Variants in EPS8 observed in about 807,000 individuals in gnomAD.
EPS8 encodes the protein EGFR pathway substrate 8, signaling adaptor.
Under a neutral mutation model 103.8 loss-of-function variants are expected in EPS8, and 42 were observed. The observed-to-expected ratio is 0.40, with a 90% confidence interval of 0.32 to 0.52. The LOEUF (loss-of-function observed/expected upper bound fraction) is 0.52. EPS8 is among the 20% of genes least tolerant of loss of function. The probability of loss-of-function intolerance (pLI) is 0.40; values close to 1 mark genes in which losing one functional copy is unlikely to be tolerated. For missense variants in EPS8, 969 were observed against 1,005.1 expected, an observed-to-expected ratio of 0.96 and a Z score of 0.49; for synonymous variants, 344 against 344.6, an observed-to-expected ratio of 1.00 and a Z score of 0.02.
rs1946893603 is a variant in EPS8, at chr12:15,748,031, C to T, written c.-22+41130G>A. ...CAAGACTCCATCTCAAAATCAAAAACAAAAACAAAACAAAAAAAAGTAATG... is the reference window on the plus strand; with the variant it reads ...CAAGACTCCATCTCAAAATCAAAAATAAAAACAAAACAAAAAAAAGTAATG... On this transcript the variant is annotated intron_variant, in intron 1 of 20. Transcript: ENST00000281172. This position sits in a 1 kb window ranked among gnomAD's most constrained non-coding sequence, Gnocchi z 4.8. 1.3e-5 allele frequency among the ~76,000 whole-genome samples: 2 copies of T among 151,278 alleles called. No homozygotes were observed. Among genetic ancestry groups the T allele is most frequent in the South Asian group, 4.1e-4 (2 of 4,822 alleles).
intron 1 of EPS8, among the ~76,000 whole-genome samples, chr12:15,774,964 T>C (rs1947193560): frequency 1.3e-5 from 2 of 152,070 alleles, no homozygotes. Context: ...GGAAGTTTTT[T>C]GAAACAGATA....
intron 1 of EPS8, among the ~76,000 whole-genome samples, chr12:15,773,544 T>C (rs1289919954): frequency 1.3e-5 from 2 of 151,454 alleles, no homozygotes; most frequent in African/African-American, 2.4e-5. Context: ...TGGAGAGAGA[T>C]TTAAGAAAAA....
In EPS8 at chr12:15,745,153, G is replaced by A. The variant is rs2136011539; in HGVS notation, c.-22+44008C>T. 6.6e-6 allele frequency among the ~76,000 whole-genome samples: 1 copy of A among 152,268 alleles called. No individual in the cohort carries two copies. Among genetic ancestry groups the A allele is most frequent in the Admixed American group, 6.5e-5 (1 of 15,298 alleles). ...TGGTATTATAGGCGTGAGCCACCAT[G>A]CCTGGCCAATTGTCCATTATTTTTA... On this transcript the variant is annotated intron_variant, in intron 1 of 20. Coordinates refer to ENST00000281172, the MANE Select transcript of EPS8 (RefSeq NM_004447.6). The surrounding 1 kb of genome is among the most constrained non-coding windows in gnomAD (Gnocchi z 4.6).
At position 15,714,672 on chromosome 12, in the gene EPS8, G is replaced by A. The variant is rs1248445038; in HGVS notation, c.-21-31700C>T. Among the ~76,000 whole-genome samples, 1 of 152,166 alleles carries A rather than the reference G, an allele frequency of 6.6e-6. No individual in the cohort carries two copies. The highest frequency in any genetic ancestry group is 1.5e-5 in the Non-Finnish European group (1 of 68,036). ...CCCATTTCTCACTTAGAATAAAAAAGTGCTGCTTGTTGCCAGTGCAGTATT... is the reference window on the plus strand; with the variant it reads ...CCCATTTCTCACTTAGAATAAAAAAATGCTGCTTGTTGCCAGTGCAGTATT... On this transcript the variant is annotated intron_variant, in intron 1 of 20. Coordinates refer to ENST00000281172, the MANE Select transcript of EPS8 (RefSeq NM_004447.6). The surrounding 1 kb of genome is among the most constrained non-coding windows in gnomAD (Gnocchi z 4.1).
In EPS8 at chr12:15,748,478, C is replaced by A. The variant is rs923121932; in HGVS notation, c.-22+40683G>T. Among the ~76,000 whole-genome samples, 1 of 151,968 alleles carries A rather than the reference C, an allele frequency of 6.6e-6. No homozygotes were observed. The highest frequency in any genetic ancestry group is 1.5e-5 in the Non-Finnish European group (1 of 67,996). Reference sequence around the variant, plus strand: ...TTGTTTTTTTTTAAAGTAGGACACACAAAACTCTACAGAAACAATTTCAGT... The same window carrying A: ...TTGTTTTTTTTTAAAGTAGGACACAAAAAACTCTACAGAAACAATTTCAGT... On this transcript the variant is annotated intron_variant, in intron 1 of 20. Transcript: ENST00000281172. The surrounding 1 kb of genome is among the most constrained non-coding windows in gnomAD (Gnocchi z 4.8).
chr12:15,631,692 A>C (rs769564563), intron 17 of EPS8, 28 bp from the exon 18 acceptor site: 30 of 1,531,806 alleles, frequency 2.0e-5, no homozygotes, highest in Non-Finnish European at 2.5e-5. Context: ...ATTAACTTAA[A>C]ATTTAAAAAA....
Position 15,782,579 on chromosome 12 carries a change from AAGTT to A in EPS8, c.-22+6578_-22+6581del, listed in dbSNP as rs571913283. The stretch of plus-strand genomic sequence containing the variant: ...CAGGATAACAAAAACATTAAGAAAA[AAGTT>A]AGGTATGTCATGAATGCATAATATG... On this transcript the variant is annotated intron_variant, in intron 1 of 20. Transcript: ENST00000281172. 2.6e-4 allele frequency among the ~76,000 whole-genome samples: 39 copies of A among 152,226 alleles called. No homozygotes were observed. The South Asian group carries it at 7.7e-3, about 30-fold the overall frequency.
chr12:15,753,016 C>G (rs1444401905), intron 1 of EPS8, among the ~76,000 whole-genome samples: 1 of 151,572 alleles, frequency 6.6e-6, no homozygotes, highest in Admixed American at 6.6e-5. Flanking sequence ...AGAAATGTGA[C>G]TCAGGCAGCA....
chr12:15,682,827 T>G (rs1946031474), intron 2 of EPS8, 66 bp downstream of exon 2: 2 of 868,056 alleles, frequency 2.3e-6, no homozygotes, highest in Non-Finnish European at 3.7e-6. Context: ...ACTAAAAATA[T>G]AAAACAATTA....
At chr12:15,676,654 T>C (rs932725409) in intron 3 of EPS8, among the ~76,000 whole-genome samples, 1 of 152,230 alleles carries the variant, frequency 6.6e-6, no homozygotes, top group African/African-American at 2.4e-5. Context: ...CTTAAAGGCT[T>C]TGACAAACAG....
chr12:15,711,389 A>G (rs1480838297), intron 1 of EPS8, among the ~76,000 whole-genome samples: 1 of 152,142 alleles, frequency 6.6e-6, no homozygotes, highest in Non-Finnish European at 1.5e-5. Context: ...CTCCATAGTC[A>G]TTTCCTCTTA....
chr12:15,713,198 C>T lies in EPS8; in HGVS notation c.-21-30226G>A, dbSNP rs1946490285. The T allele has an allele frequency of 6.4e-6, 1 of 156,032 alleles. No homozygotes were observed. The highest frequency in any genetic ancestry group is 2.0e-4 in the South Asian group (1 of 4,916). The allele number at this position is 156,032 out of a possible 1,614,324, so 9.7% of individuals were successfully genotyped here. A position where few individuals can be genotyped will look rare whatever the true frequency, so the allele number is the denominator to read the frequency against. On this transcript the variant is annotated intron_variant, in intron 1 of 20. Transcript: ENST00000281172. The surrounding 1 kb of genome is among the most constrained non-coding windows in gnomAD (Gnocchi z 4.8). ...GTGGTCTAAATTAACGCTATATACA[C>T]AGACACCATTATTACTCCCATTTTA...
intron 1 of EPS8, among the ~76,000 whole-genome samples, chr12:15,724,268 T>C (rs1946628928): frequency 6.6e-6 from 1 of 152,124 alleles, no homozygotes; most frequent in Non-Finnish European, 1.5e-5. Context: ...AAAGAAAAAG[T>C]AGCTTTTCTT....
rs1002496284 is a variant in EPS8, at chr12:15,735,721, A to G, written c.-21-52749T>C. On this transcript the variant is annotated intron_variant, in intron 1 of 20. Transcript: ENST00000281172. This position sits in a 1 kb window ranked among gnomAD's most constrained non-coding sequence, Gnocchi z 4.4. Reference sequence around the variant, plus strand: ...GGTTATTTAAATTGTAGACCTTTTAAAAGTGCATGTTATTAAATGTAACCT... The same window carrying G: ...GGTTATTTAAATTGTAGACCTTTTAGAAGTGCATGTTATTAAATGTAACCT... Among the ~76,000 whole-genome samples the G allele has an allele frequency of 2.0e-5, 3 of 152,226 alleles. No homozygotes were observed. Among genetic ancestry groups the G allele is most frequent in the Admixed American group, 2.0e-4 (3 of 15,284 alleles).
At chr12:15,763,068 A>G (rs1055295574) in intron 1 of EPS8, among the ~76,000 whole-genome samples, 3 of 152,200 alleles carry the variant, frequency 2.0e-5, no homozygotes, top group Non-Finnish European at 4.4e-5. Context: ...CACCTTTTAT[A>G]TACCCACAAA....
rs1945215618 is a variant in EPS8, at chr12:15,640,808, A to G, written c.1716T>C (p.Asn572=). The change falls in exon 17 of 21, where the codon AAT becomes AAC. Residue 572 remains asparagine (N), a synonymous_variant. Transcript: ENST00000281172. ...DDRKQWWKVR[N]ASGDSGFVPN... ...GCACAAATCCAGAGTCTCCACTTGCATTTCGAACTTTCCACCATTGCTTCC... is the reference window on the plus strand; with the variant it reads ...GCACAAATCCAGAGTCTCCACTTGCGTTTCGAACTTTCCACCATTGCTTCC... 14 of 1,613,994 alleles carry G rather than the reference A, an allele frequency of 8.7e-6. No individual in the cohort carries two copies. The highest frequency in any genetic ancestry group is 1.1e-5 in the Non-Finnish European group (13 of 1,179,896).
At chr12:15,670,141 T>C (rs1255375897) in intron 4 of EPS8, among the ~76,000 whole-genome samples, 1 of 152,148 alleles carries the variant, frequency 6.6e-6, no homozygotes, top group Non-Finnish European at 1.5e-5. Context: ...AAATAAACTT[T>C]CCCCTATTTG....
rs895783691 is a variant in EPS8 at position 15,787,320 on chromosome 12, A to G, written c.-22+1841T>C. ...GAGAGTAGCAAGCCTATGCCATAGC[A>G]TAGAAAAGAACTGGTATCTGAAAAG... On this transcript the variant is annotated intron_variant, in intron 1 of 20. Coordinates refer to ENST00000281172, the MANE Select transcript of EPS8 (RefSeq NM_004447.6). This position sits in a 1 kb window ranked among gnomAD's most constrained non-coding sequence, Gnocchi z 4.9. Among the ~76,000 whole-genome samples, 1 of 152,348 alleles carries G rather than the reference A, an allele frequency of 6.6e-6. No homozygotes were observed. Among genetic ancestry groups the G allele is most frequent in the Admixed American group, 6.5e-5 (1 of 15,308 alleles).
At position 15,721,094 on chromosome 12, in the gene EPS8, C is replaced by A. The variant is rs1211432315; in HGVS notation, c.-21-38122G>T. Among the ~76,000 whole-genome samples, 1 of 152,174 alleles carries A rather than the reference C, an allele frequency of 6.6e-6. No homozygotes were observed. The highest frequency in any genetic ancestry group is 1.9e-4 in the East Asian group (1 of 5,190). On this transcript the variant is annotated intron_variant, in intron 1 of 20. Coordinates refer to ENST00000281172, the MANE Select transcript of EPS8 (RefSeq NM_004447.6). This position sits in a 1 kb window ranked among gnomAD's most constrained non-coding sequence, Gnocchi z 4.4. ...GGCCAGCCTTTGTTTACCACTGTATCCCCAGCACTTAGTACAATAGTTGGC... is the reference window on the plus strand; with the variant it reads ...GGCCAGCCTTTGTTTACCACTGTATACCCAGCACTTAGTACAATAGTTGGC...
Sources: gnomAD v4.1 joint callset for allele counts (sites outside exome capture counted in the v4.1 genomes callset) on GRCh38, gnomAD v4.1.1 for gene constraint, Gnocchi (gnomAD v3.1) non-coding constraint, MANE v1.5 for transcripts, NCBI Gene and HGNC (gene_info 2026-07-23, HGNC 2026-07-21) for gene names.